CDH18: variants seen among roughly 807,000 people sequenced by gnomAD.
CDH18 encodes the protein cadherin-18.
Under a neutral mutation model 67.9 loss-of-function variants are expected in CDH18, and 31 were observed. That is an observed-to-expected ratio of 0.46 (90% CI 0.34 to 0.62). The LOEUF is 0.62. CDH18 is among the 20% of genes least tolerant of loss of function. CDH18 has a pLI of 0.01. For synonymous variants in CDH18, 362 were observed against 347.2 expected (o/e 1.04, Z -0.48); for missense variants, 890 against 975.5 (o/e 0.91, Z 1.17).
At chr5:19,789,918 T>C (rs1561304723) in intron 3 of CDH18, among the ~76,000 whole-genome samples, 1 of 151,954 alleles carries the variant, frequency 6.6e-6, no homozygotes, top group African/African-American at 2.4e-5. Flanking sequence ...TTATACATAA[T>C]ATAATGTGTA....
upstream of CDH18, among the ~76,000 whole-genome samples, chr5:19,992,414 T>C (rs1432806723): frequency 6.7e-6 from 1 of 149,742 alleles, no homozygotes; most frequent in Non-Finnish European, 1.5e-5. Flanking sequence ...TAGCTTTAAG[T>C]ATTAAAATAG....
At chr5:19,492,098 A>G (rs555641810) in intron 11 of CDH18, among the ~76,000 whole-genome samples, 3 of 152,312 alleles carry the variant, frequency 2.0e-5, no homozygotes, top group East Asian at 1.9e-4. Flanking sequence ...CAAATGTAAA[A>G]GACAAATTAA....
intron 1 of CDH18, among the ~76,000 whole-genome samples, chr5:20,420,664 A>G (rs1477539374): frequency 2.0e-5 from 3 of 151,254 alleles, no homozygotes; most frequent in African/African-American, 7.4e-5. Flanking sequence ...AGTCCTAACC[A>G]TAAACTAAAA....
intron 1 of CDH18, among the ~76,000 whole-genome samples, chr5:20,450,579 T>C (rs1483058171): frequency 6.6e-6 from 1 of 151,970 alleles, no homozygotes; most frequent in Admixed American, 6.6e-5. Flanking sequence ...CACACACGCA[T>C]CCCCACACCA....
At chr5:19,500,476 C>T (rs544734653) in intron 11 of CDH18, among the ~76,000 whole-genome samples, 5 of 151,972 alleles carry the variant, frequency 3.3e-5, no homozygotes, top group Non-Finnish European at 7.4e-5. Flanking sequence ...GGAGGACAAC[C>T]AAGACTGTTA....
intron 2 of CDH18, among the ~76,000 whole-genome samples, chr5:20,028,693 T>A (rs564396133): frequency 5.9e-5 from 9 of 152,244 alleles, no homozygotes; most frequent in Non-Finnish European, 1.2e-4. Context: ...ACAGCGTGGA[T>A]AAGCTGGCCA....
At chr5:19,626,820 T>C (rs561888185) in intron 5 of CDH18, among the ~76,000 whole-genome samples, 1 of 152,190 alleles carries the variant, frequency 6.6e-6, no homozygotes, top group Non-Finnish European at 1.5e-5. Context: ...ACTATAATAG[T>C]GATATGCTGG....
Position 19,591,251 on chromosome 5 carries a change from G to T in CDH18, c.812-7C>A. 6.4e-7 allele frequency: 1 copy of T among 1,556,200 alleles called. No homozygotes were observed. The highest frequency in any genetic ancestry group is 1.2e-5 in the South Asian group (1 of 82,080). ...ACATATAGCTGATAGTGTTCTGGAA[G>T]ACATTTCATATTAAACATATTTAAA... On this transcript the variant is annotated splice_region_variant and splice_polypyrimidine_tract_variant and intron_variant, in intron 6 of 12. Coordinates refer to ENST00000382275, the MANE Select transcript of CDH18 (RefSeq NM_004934.5).
intron 1 of CDH18, among the ~76,000 whole-genome samples, chr5:20,432,886 TAA>T (rs1049555393): frequency 6.7e-6 from 1 of 149,578 alleles, no homozygotes; most frequent in African/African-American, 2.4e-5. Context: ...GTGTAAAAAT[TAA>T]AAAAAATTAT....
chr5:20,201,372 T>C (rs189381970), intron 2 of CDH18, among the ~76,000 whole-genome samples: 1 of 152,274 alleles, frequency 6.6e-6, no homozygotes, highest in Non-Finnish European at 1.5e-5. Flanking sequence ...CACATTCCTA[T>C]TTATGGATGG....
intron 2 of CDH18, among the ~76,000 whole-genome samples, chr5:19,840,899 C>T (rs188116171): frequency 2.9e-4 from 44 of 152,218 alleles, no homozygotes; most frequent in African/African-American, 9.9e-4. Flanking sequence ...GAATGCAATT[C>T]ATCCCTGCAA....
At chr5:19,517,073 G>A (rs985890719) in intron 10 of CDH18, among the ~76,000 whole-genome samples, 25 of 151,960 alleles carry the variant, frequency 1.6e-4, no homozygotes, top group African/African-American at 5.3e-4. Flanking sequence ...TTTCCCAGTA[G>A]CAGTACCATT....
chr5:19,645,440 G>C (rs541845609), intron 5 of CDH18, among the ~76,000 whole-genome samples: 329 of 152,274 alleles, frequency 2.2e-3, no homozygotes, highest in African/African-American at 7.6e-3. Flanking sequence ...AGTAACGGGA[G>C]AGCAGAGAGG....
chr5:20,261,898 C>T (rs911681077), intron 1 of CDH18, among the ~76,000 whole-genome samples: 4 of 151,146 alleles, frequency 2.6e-5, no homozygotes, highest in South Asian at 2.1e-4. Context: ...AATAATCCAT[C>T]GCTCCTTGGA....
At chr5:20,297,881 T>G (rs2149959301) in intron 1 of CDH18, among the ~76,000 whole-genome samples, 1 of 152,322 alleles carries the variant, frequency 6.6e-6, no homozygotes, top group South Asian at 2.1e-4. Flanking sequence ...AGTAGTTTCC[T>G]CTCAGTCAAA....
chr5:20,418,972 G>A (rs1275662088), intron 1 of CDH18, among the ~76,000 whole-genome samples: 1 of 151,928 alleles, frequency 6.6e-6, no homozygotes, highest in Non-Finnish European at 1.5e-5. Flanking sequence ...GCAAGAGGTT[G>A]GTACTGCGCA....
chr5:19,814,942 A>G (rs913409924), intron 3 of CDH18, among the ~76,000 whole-genome samples: 3 of 151,984 alleles, frequency 2.0e-5, no homozygotes, highest in Admixed American at 1.3e-4. Context: ...GAATAAATAT[A>G]TACACTGTGC....
At chr5:20,277,104 C>A (rs573063150) in intron 1 of CDH18, among the ~76,000 whole-genome samples, 4 of 152,120 alleles carry the variant, frequency 2.6e-5, no homozygotes, top group African/African-American at 9.7e-5. Flanking sequence ...AGGACAAAAG[C>A]GAGGCTGTCT....
chr5:19,540,994 C>G (rs1488004940), intron 9 of CDH18, among the ~76,000 whole-genome samples: 3 of 152,136 alleles, frequency 2.0e-5, no homozygotes, highest in Admixed American at 6.6e-5. Context: ...CATCAACAAG[C>G]TGTAAATTTT....
Sources: gnomAD v4.1 joint callset for allele counts (sites outside exome capture counted in the v4.1 genomes callset) on GRCh38, gnomAD v4.1.1 for gene constraint, MANE v1.5 for transcripts, NCBI Gene and HGNC (gene_info 2026-07-23, HGNC 2026-07-21) for gene names.